Variants in EPHA6 observed in about 807,000 individuals in gnomAD.
EPHA6 encodes the protein ephrin type-A receptor 6.
A neutral mutation model predicts 112.0 loss-of-function variants in EPHA6; 50 were observed. The ratio of observed to expected loss-of-function variants is 0.45; its 90% CI spans 0.36 to 0.56. EPHA6 has a LOEUF of 0.56. Among genes scored for constraint, EPHA6 ranks in the 20% least tolerant of loss-of-function variants. EPHA6 has a pLI of 0.00. For missense variants in EPHA6, 1,280 were observed against 1,417.4 expected, an observed-to-expected ratio of 0.90 and a Z score of 1.56; for synonymous variants, 529 against 490.7, an observed-to-expected ratio of 1.08 and a Z score of -1.03.
chr3:97,380,308 C>G lies in EPHA6; in HGVS notation c.1607-24842C>G, dbSNP rs188335612. ...TTGAAAAAAGAAAAGATAATCAGATCTATACTCGGGTAGAATAAAAACTAA... is the reference window on the plus strand; with the variant it reads ...TTGAAAAAAGAAAAGATAATCAGATGTATACTCGGGTAGAATAAAAACTAA... On this transcript the variant is annotated intron_variant, in intron 5 of 17. Coordinates refer to ENST00000389672, the MANE Select transcript of EPHA6 (RefSeq NM_001080448.3). Among the ~76,000 whole-genome samples the G allele has an allele frequency of 2.7e-3, 417 of 152,206 alleles. 3 individuals are homozygous for G. Among genetic ancestry groups the G allele is most frequent in the African/African-American group, 9.1e-3 (378 of 41,540 alleles).
chr3:96,994,221 G>A (rs1486538362), intron 3 of EPHA6: 1 of 406,906 alleles, frequency 2.5e-6, no homozygotes, highest in South Asian at 2.4e-5. Flanking sequence ...GAATAATTTG[G>A]GTTGCTTTAT....
chr3:97,393,197 C>A (rs1371000233), intron 5 of EPHA6, among the ~76,000 whole-genome samples: 1 of 151,774 alleles, frequency 6.6e-6, no homozygotes, highest in East Asian at 1.9e-4. Flanking sequence ...AACATATATT[C>A]TTTTTACTGA....
chr3:97,417,836 T>C (rs2088257327), intron 6 of EPHA6, among the ~76,000 whole-genome samples: 1 of 152,162 alleles, frequency 6.6e-6, no homozygotes. Flanking sequence ...TGATTTCTTA[T>C]AGACATAGAA....
chr3:97,516,984 TA>T (rs2092457712), intron 10 of EPHA6, among the ~76,000 whole-genome samples: 1 of 151,918 alleles, frequency 6.6e-6, no homozygotes, highest in Non-Finnish European at 1.5e-5. Flanking sequence ...CAACAGAAAA[TA>T]AAGACATTCA....
At chr3:97,685,193 C>G (rs895022077) in intron 14 of EPHA6, among the ~76,000 whole-genome samples, 1 of 152,100 alleles carries the variant, frequency 6.6e-6, no homozygotes, top group East Asian at 1.9e-4. Flanking sequence ...TTTTGACTAA[C>G]AATTTTGTTA....
intron 3 of EPHA6, among the ~76,000 whole-genome samples, chr3:97,017,896 A>G (rs969367985): frequency 6.6e-6 from 1 of 150,442 alleles, no homozygotes; most frequent in African/African-American, 2.4e-5. Context: ...CTTTTTCTCT[A>G]CCTCTTCTTT....
intron 1 of EPHA6, among the ~76,000 whole-genome samples, chr3:96,828,452 G>A (rs937523401): frequency 1.3e-5 from 2 of 152,226 alleles, no homozygotes; most frequent in Non-Finnish European, 2.9e-5. Context: ...GAGTATGAGA[G>A]GTGGTGTTTA....
At chr3:97,218,510 G>A (rs537899789) in intron 3 of EPHA6, among the ~76,000 whole-genome samples, 8 of 152,240 alleles carry the variant, frequency 5.3e-5, no homozygotes, top group African/African-American at 1.4e-4. Context: ...AAAGTAGGAA[G>A]AGCCCCTTAT....
intron 10 of EPHA6, among the ~76,000 whole-genome samples, chr3:97,509,042 G>C (rs186735128): frequency 1.3e-5 from 1 of 75,480 alleles, no homozygotes; most frequent in African/African-American, 5.5e-5. Context: ...TTGCTTGGGA[G>C]ATATTCCTCA....
At chr3:97,241,671 T>C (rs557272640) in intron 4 of EPHA6, among the ~76,000 whole-genome samples, 16 of 151,464 alleles carry the variant, frequency 1.1e-4, no homozygotes, top group Non-Finnish European at 1.9e-4. Context: ...TTAGCTGGCA[T>C]AATTTAACAG....
At chr3:97,577,129 C>A (rs192377402) in intron 11 of EPHA6, among the ~76,000 whole-genome samples, 1 of 152,268 alleles carries the variant, frequency 6.6e-6, no homozygotes, top group East Asian at 1.9e-4. Flanking sequence ...CCTGCCTCAG[C>A]CTCCCAAAAT....
chr3:96,815,083 C>T (rs539533620), intron 1 of EPHA6, 75 bp downstream of exon 1: 4 of 1,388,234 alleles, frequency 2.9e-6, no homozygotes, highest in Admixed American at 2.8e-5. Flanking sequence ...CTGGTTGCCT[C>T]CTGCAGGTAA....
At chr3:97,233,835 C>T (rs2078604131) in intron 4 of EPHA6, among the ~76,000 whole-genome samples, 1 of 152,148 alleles carries the variant, frequency 6.6e-6, no homozygotes, top group Admixed American at 6.5e-5. Flanking sequence ...AAATGAAGAA[C>T]TAAAATTGTG....
intron 13 of EPHA6, among the ~76,000 whole-genome samples, chr3:97,614,297 G>C (rs2093744807): frequency 1.3e-5 from 2 of 150,112 alleles, no homozygotes; most frequent in African/African-American, 4.9e-5. Context: ...TGGTTTCAGT[G>C]CAAGATGGTG....
chr3:97,580,297 C>T (rs1478489942), intron 11 of EPHA6, among the ~76,000 whole-genome samples: 1 of 152,182 alleles, frequency 6.6e-6, no homozygotes, highest in Non-Finnish European at 1.5e-5. Flanking sequence ...CCTAGTGGAA[C>T]ATTTTAGCAA....
At chr3:97,446,167 C>A (rs1405855509) in intron 6 of EPHA6, among the ~76,000 whole-genome samples, 1 of 152,124 alleles carries the variant, frequency 6.6e-6, no homozygotes, top group Non-Finnish European at 1.5e-5. Flanking sequence ...CTTAAAAACA[C>A]CAGGAGGAGA....
intron 2 of EPHA6, among the ~76,000 whole-genome samples, chr3:96,955,624 C>G (rs72916466): frequency 0.014 from 2,058 of 152,192 alleles, 50 homozygotes; most frequent in African/African-American, 0.045. Flanking sequence ...TGTGCTGATG[C>G]ATTTGCAAAA....
chr3:97,610,891 A>G (rs746181613), intron 13 of EPHA6, 37 bp downstream of exon 13: 10 of 1,456,054 alleles, frequency 6.9e-6, no homozygotes, highest in Admixed American at 1.8e-5. Context: ...TAAATAAGCT[A>G]TTCTCAGTTC....
intron 12 of EPHA6, among the ~76,000 whole-genome samples, chr3:97,607,796 A>G (rs1355136250): frequency 2.0e-5 from 3 of 151,184 alleles, no homozygotes; most frequent in African/African-American, 7.3e-5. Flanking sequence ...CATTTTGAAA[A>G]TTTAGAAAGA....
Sources: allele counts gnomAD v4.1 joint callset (sites outside exome capture counted in the v4.1 genomes callset), GRCh38; gene constraint gnomAD v4.1.1; transcripts MANE v1.5; gene names NCBI Gene and HGNC (gene_info 2026-07-23, HGNC 2026-07-21).